The following TRABD2B variants were observed in gnomAD, a reference collection of about 807,000 sequenced individuals.
TRABD2B encodes metalloprotease TIKI2.
A neutral mutation model predicts 40.1 loss-of-function variants in TRABD2B; 14 were observed. The ratio of observed to expected loss-of-function variants is 0.35; its 90% confidence interval spans 0.23 to 0.55. The LOEUF is 0.55. Ranked by LOEUF, TRABD2B falls within the 20% of genes least tolerant of loss-of-function variation. The pLI, the probability that TRABD2B is intolerant of heterozygous loss-of-function variation, is 0.90. For missense variants in TRABD2B, 541 were observed against 648.6 expected, an observed-to-expected ratio of 0.83 and a Z score of 1.80; for synonymous variants, 263 against 277.0, an observed-to-expected ratio of 0.95 and a Z score of 0.50.
At chr1:47,977,050 C>T (rs1209000735) in intron 2 of TRABD2B, among the ~76,000 whole-genome samples, 1 of 149,642 alleles carries the variant, frequency 6.7e-6, no homozygotes, top group African/African-American at 2.4e-5. Flanking sequence ...TAGCTTTATG[C>T]AATTTTAAGG....
At position 47,765,955 on chromosome 1, in the gene TRABD2B, T is replaced by A. The variant is rs976757944; in HGVS notation, c.1501A>T (p.Ile501Phe). ...SAPTLGLLPA[I>F]ATTIAVCFLL... ...AAGCAGACAGCGATGGTGGTGGCGA[T>A]GGCGGGGAGAAGGCCCAGGGTGGGT... Residue 501 changes from isoleucine to phenylalanine, a missense_variant, in exon 7 of 7, where the codon ATC becomes TTC. This residue lies in a region of TRABD2B where 172 missense variants were observed against 155.8 expected (regional missense o/e 1.10). Transcript: ENST00000606738. 1.4e-6 allele frequency: 1 copy of A among 702,702 alleles called. No homozygotes were observed. Among genetic ancestry groups the A allele is most frequent in the African/African-American group, 1.7e-5 (1 of 57,228 alleles). The allele number at this position is 702,702 out of a possible 1,614,324, so 43.5% of individuals were successfully genotyped here. A position where few individuals can be genotyped will look rare whatever the true frequency, so the allele number is the denominator to read the frequency against.
intron 2 of TRABD2B, among the ~76,000 whole-genome samples, chr1:47,900,944 C>T (rs1381557366): frequency 6.6e-6 from 1 of 152,078 alleles, no homozygotes; most frequent in East Asian, 1.9e-4. Context: ...AGTAAGGAGA[C>T]GGATTTGAAG....
rs1644825973 is a variant in TRABD2B, at chr1:47,801,682, C to T, written c.667-63G>A. The stretch of plus-strand genomic sequence containing the variant: ...CAGGGACCCTGGCTGAGCTCTAGGA[C>T]TGACCCTCCTCCCTCTGGACTTCAG... On this transcript the variant is annotated intron_variant, in intron 2 of 6. Coordinates refer to ENST00000606738, the MANE Select transcript of TRABD2B (RefSeq NM_001194986.2). The T allele has an allele frequency of 4.0e-6, 6 of 1,499,580 alleles. No homozygotes were observed. In the South Asian group the frequency reaches 7.5e-5, roughly 19 times the overall value. 92.9% of individuals were successfully genotyped at this position (1,499,580 alleles called of 1,614,324 possible).
At chr1:47,814,980 CGTT>C (rs1456864456) in intron 2 of TRABD2B, among the ~76,000 whole-genome samples, 1 of 152,174 alleles carries the variant, frequency 6.6e-6, no homozygotes, top group Non-Finnish European at 1.5e-5. Context: ...TGGGGCTTCT[CGTT>C]GTGCAGAGAG....
intron 2 of TRABD2B, among the ~76,000 whole-genome samples, chr1:47,883,133 T>C (rs1490294760): frequency 6.6e-6 from 1 of 152,114 alleles, no homozygotes; most frequent in East Asian, 1.9e-4. Flanking sequence ...CTTTACAACA[T>C]CCCTATCAGC....
intron 2 of TRABD2B, among the ~76,000 whole-genome samples, chr1:47,990,970 G>A (rs910517391): frequency 4.6e-5 from 7 of 150,882 alleles, no homozygotes; most frequent in East Asian, 2.0e-4. Context: ...CCTCATAGCC[G>A]AAGGAAATAT....
At chr1:47,991,882 T>C (rs1454338764) in intron 2 of TRABD2B, among the ~76,000 whole-genome samples, 1 of 152,210 alleles carries the variant, frequency 6.6e-6, no homozygotes, top group Non-Finnish European at 1.5e-5. Flanking sequence ...GAGAAGGCTG[T>C]TGCATTTCTG....
At chr1:47,851,257 T>C (rs527967457) in intron 2 of TRABD2B, among the ~76,000 whole-genome samples, 10 of 147,068 alleles carry the variant, frequency 6.8e-5, no homozygotes, top group African/African-American at 2.0e-4. Flanking sequence ...TCCCACCCCA[T>C]GCTCCATGGC....
intron 2 of TRABD2B, among the ~76,000 whole-genome samples, chr1:47,906,203 T>C (rs912764592): frequency 2.6e-5 from 4 of 152,216 alleles, no homozygotes; most frequent in Non-Finnish European, 5.9e-5. Flanking sequence ...ACATCGTGTG[T>C]TGTGCACACA....
intron 2 of TRABD2B, among the ~76,000 whole-genome samples, chr1:47,990,940 G>A (rs553957484): frequency 6.7e-6 from 1 of 149,986 alleles, no homozygotes; most frequent in African/African-American, 2.5e-5. Flanking sequence ...AAAACCTTCA[G>A]AGACCTGCCT....
intron 2 of TRABD2B, among the ~76,000 whole-genome samples, chr1:47,954,348 C>T (rs1645388222): frequency 6.6e-6 from 1 of 152,136 alleles, no homozygotes; most frequent in African/African-American, 2.4e-5. Context: ...AAACTGTCTC[C>T]TCAATGGGCT....
At chr1:47,780,887 C>T (rs905521891) in intron 4 of TRABD2B, among the ~76,000 whole-genome samples, 10 of 152,226 alleles carry the variant, frequency 6.6e-5, no homozygotes, top group South Asian at 2.1e-4. Context: ...CATTCTGCCC[C>T]GCAGCCTGTG....
At chr1:47,894,015 A>G (rs977209801) in intron 2 of TRABD2B, among the ~76,000 whole-genome samples, 31 of 152,140 alleles carry the variant, frequency 2.0e-4, no homozygotes, top group Non-Finnish European at 1.2e-4. Flanking sequence ...CCTTGAACTT[A>G]CTTATATTGT....
chr1:47,822,487 G>A (rs140715303), intron 2 of TRABD2B, among the ~76,000 whole-genome samples: 138 of 99,598 alleles, frequency 1.4e-3, no homozygotes, highest in African/African-American at 4.3e-3. Context: ...TAGAGAATCA[G>A]GCTGTGGAAT....
Position 47,874,252 on chromosome 1 carries a change from A to ATTTTTTT in TRABD2B, c.667-72640_667-72634dup, listed in dbSNP as rs61411862. On this transcript the variant is annotated intron_variant, in intron 2 of 6. Coordinates refer to ENST00000606738, the MANE Select transcript of TRABD2B (RefSeq NM_001194986.2). Reference sequence around the variant, plus strand: ...ATTTTATTTTTAAATTGATTAATTAATTTTTTTTTTTTTTTTTTTTTTTTG... The same window carrying ATTTTTTT: ...ATTTTATTTTTAAATTGATTAATTAATTTTTTTTTTTTTTTTTTTTTTTTTTTTTTTG... 8.2e-3 allele frequency among the ~76,000 whole-genome samples: 745 copies of ATTTTTTT among 90,522 alleles called. 15 individuals are homozygous for ATTTTTTT. Among genetic ancestry groups the ATTTTTTT allele is most frequent in the East Asian group, 0.013 (35 of 2,708 alleles). The allele number at this position is 90,522 out of a possible 152,430, so 59.4% of individuals were successfully genotyped here. A position where few individuals can be genotyped will look rare whatever the true frequency, so the allele number is the denominator to read the frequency against.
chr1:47,768,823 C>T (rs1051559013), intron 6 of TRABD2B, among the ~76,000 whole-genome samples: 1 of 152,238 alleles, frequency 6.6e-6, no homozygotes, highest in African/African-American at 2.4e-5. Flanking sequence ...AATGTGCTGA[C>T]ATACATTGCT....
chr1:47,892,105 G>A (rs1325714541), intron 2 of TRABD2B, among the ~76,000 whole-genome samples: 1 of 152,246 alleles, frequency 6.6e-6, no homozygotes, highest in African/African-American at 2.4e-5. Flanking sequence ...ACAGAAGGGA[G>A]ACCTGTTACA....
chr1:47,991,977 G>C (rs1419802847), intron 2 of TRABD2B, among the ~76,000 whole-genome samples: 1 of 152,150 alleles, frequency 6.6e-6, no homozygotes, highest in African/African-American at 2.4e-5. Flanking sequence ...GCTGCCCAAG[G>C]GGATGGAGGA....
At chr1:47,889,791 G>A (rs1644420727) in intron 2 of TRABD2B, among the ~76,000 whole-genome samples, 1 of 152,116 alleles carries the variant, frequency 6.6e-6, no homozygotes, top group African/African-American at 2.4e-5. Context: ...TGCCCAGCTG[G>A]GCAACCACAG....
Sources: gnomAD v4.1 joint callset for allele counts (sites outside exome capture counted in the v4.1 genomes callset) on GRCh38, gnomAD v4.1.1 for gene constraint, gnomAD v4.1.1 regional missense constraint, MANE v1.5 for transcripts, NCBI Gene and HGNC (gene_info 2026-07-23, HGNC 2026-07-21) for gene names.